DECR1: variants seen among roughly 807,000 people sequenced by gnomAD.
The protein encoded by DECR1 is 2,4-dienoyl-CoA reductase [(3E)-enoyl-CoA-producing], mitochondrial.
In DECR1, 44 loss-of-function variants were observed where a neutral mutation model predicts 38.8. That is an observed-to-expected ratio of 1.13 (90% CI 0.89 to 1.46). DECR1 has a LOEUF of 1.46. Ranked by LOEUF, DECR1 falls within the 40% of genes most tolerant of loss-of-function variation. The probability of loss-of-function intolerance (pLI) is 0.00; values close to 1 mark genes in which losing one functional copy is unlikely to be tolerated. For synonymous variants in DECR1, 148 were observed against 135.2 expected, an observed-to-expected ratio of 1.09 and a Z score of -0.66; for missense variants, 428 against 405.5, an observed-to-expected ratio of 1.06 and a Z score of -0.48.
intron 8 of DECR1, 65 bp from the exon 9 acceptor site, chr8:90,051,612 G>A (rs1814095393): frequency 7.8e-7 from 1 of 1,287,192 alleles, no homozygotes; most frequent in African/African-American, 1.5e-5. Context: ...ATGGGAAAAT[G>A]GCTAGTGGTT....
At chr8:90,009,849 G>T (rs1320927040) in intron 1 of DECR1, among the ~76,000 whole-genome samples, 4 of 152,114 alleles carry the variant, frequency 2.6e-5, no homozygotes, top group Admixed American at 2.0e-4. Context: ...TTATTTTGTT[G>T]TATTGGAGAA....
At position 90,044,969 on chromosome 8, in the gene DECR1, G is replaced by A. The variant is rs1440636474; in HGVS notation, c.859G>A (p.Asp287Asn). The change falls in exon 8 of 10, where the codon GAT (aspartate) becomes AAT (asparagine). Residue 287 changes from aspartate to asparagine, a missense_variant. Asp to Asn is a conservative substitution (Grantham distance 23, BLOSUM62 1). Transcript: ENST00000220764. ...LANLAAFLCS[D>N]YASWINGAVI... is the part of the protein sequence containing the mutation. Reference sequence around the variant, plus strand: ...AAATCTTGCTGCTTTCCTTTGTAGTGATTATGCTTCTTGGATTAATGGAGC... The same window carrying A: ...AAATCTTGCTGCTTTCCTTTGTAGTAATTATGCTTCTTGGATTAATGGAGC... 6 of 1,613,534 alleles carry A rather than the reference G, an allele frequency of 3.7e-6. No homozygotes were observed. In the Admixed American group the frequency reaches 1.0e-4, roughly 27 times the overall value.
Position 90,037,066 on chromosome 8 carries a change from G to T in DECR1, c.665+126G>T. 6.2e-6 allele frequency: 4 copies of T among 649,574 alleles called. No individual in the cohort carries two copies. In the South Asian group the frequency reaches 7.6e-5, roughly 12 times the overall value. The allele number at this position is 649,574 out of a possible 1,614,324, so 40.2% of individuals were successfully genotyped here. A position where few individuals can be genotyped will look rare whatever the true frequency, so the allele number is the denominator to read the frequency against. Reference sequence around the variant, plus strand: ...AAACAAAGACTTGGATTCACCATGAGACATACATTTTATCTCCCAGATAAG... The same window carrying T: ...AAACAAAGACTTGGATTCACCATGATACATACATTTTATCTCCCAGATAAG... On this transcript the variant is annotated intron_variant, in intron 6 of 9. Transcript: ENST00000220764.
intron 5 of DECR1, among the ~76,000 whole-genome samples, chr8:90,024,126 A>G (rs1341694043): frequency 1.3e-5 from 2 of 152,214 alleles, no homozygotes; most frequent in South Asian, 2.1e-4. Flanking sequence ...ATTGATGGAC[A>G]TTTGGGTTGG....
chr8:90,047,473 A>G (rs2130172358), intron 8 of DECR1, among the ~76,000 whole-genome samples: 1 of 152,372 alleles, frequency 6.6e-6, no homozygotes, highest in East Asian at 1.9e-4. Flanking sequence ...CAATTCAACA[A>G]GAAGAGCTAA....
intron 6 of DECR1, among the ~76,000 whole-genome samples, chr8:90,039,681 C>A (rs561588497): frequency 6.6e-6 from 1 of 152,318 alleles, no homozygotes; most frequent in South Asian, 2.1e-4. Context: ...CAGAATGTTA[C>A]CTTTTCAGAG....
chr8:90,010,189 G>C (rs1007277727), intron 1 of DECR1, among the ~76,000 whole-genome samples: 2 of 151,736 alleles, frequency 1.3e-5, no homozygotes, highest in African/African-American at 4.8e-5. Context: ...GGAGCAGGCA[G>C]ATGTGCTTAA....
chr8:90,030,265 A>T (rs1372366799), intron 5 of DECR1, among the ~76,000 whole-genome samples: 1 of 152,166 alleles, frequency 6.6e-6, no homozygotes, highest in African/African-American at 2.4e-5. Context: ...CTAACTGGCC[A>T]TAGACTGGTA....
rs531229780 is a variant in DECR1, at chr8:90,029,615, A to G, written c.566-7226A>G. On this transcript the variant is annotated intron_variant, in intron 5 of 9. Coordinates refer to ENST00000220764, the MANE Select transcript of DECR1 (RefSeq NM_001359.2). ...GGAAGCATTGAACTAAGTAAAGTAC[A>G]TTATACTGTTTTTACAGTTTAATTA... Among the ~76,000 whole-genome samples, 3 of 152,348 alleles carry G rather than the reference A, an allele frequency of 2.0e-5. No homozygotes were observed. In the South Asian group the frequency reaches 6.2e-4, roughly 32 times the overall value.
intron 5 of DECR1, among the ~76,000 whole-genome samples, chr8:90,025,801 GT>G (rs922070632): frequency 6.6e-6 from 1 of 152,142 alleles, no homozygotes; most frequent in Non-Finnish European, 1.5e-5. Flanking sequence ...TCTTGTGCCA[GT>G]TTTCACAGAG....
rs778132448 is a variant in DECR1 at position 90,051,705 on chromosome 8, T to C, written c.914T>C (p.Val305Ala). 2 of 1,612,720 alleles carry C rather than the reference T, an allele frequency of 1.2e-6. No homozygotes were observed. The highest frequency in any genetic ancestry group is 1.7e-6 in the Non-Finnish European group (2 of 1,179,846). The stretch of plus-strand genomic sequence containing the variant: ...ATTAAATTTGACGGTGGAGAGGAAG[T>C]ACTTATTTCAGGGGAATTCAACGAC... The part of the protein sequence containing the change: ...AVIKFDGGEE[V>A]LISGEFNDLR... The change falls in exon 9 of 10, where the codon GTA becomes GCA. Residue 305 changes from valine (V) to alanine (A), a missense_variant. Val to Ala is a moderately conservative substitution (Grantham distance 64). Coordinates refer to ENST00000220764, the MANE Select transcript of DECR1 (RefSeq NM_001359.2).
intron 6 of DECR1, among the ~76,000 whole-genome samples, chr8:90,042,001 TTAGATTTTAAAAGAGCTACCTGTAAAG>T (rs2130147235): frequency 6.6e-6 from 1 of 152,258 alleles, no homozygotes; most frequent in African/African-American, 2.4e-5. Context: ...TAAAATGAAT[TTAGATTTTAAAAGAGCTACCTGTAAAG>T]TAAGCTTTTA....
Position 90,017,326 on chromosome 8 carries a change from G to T in DECR1, c.272G>T (p.Arg91Leu), listed in dbSNP as rs745489638. Residue 91 changes from arginine (R) to leucine (L), a missense_variant and splice_region_variant, in exon 2 of 10, where the codon CGG becomes CTG. By Grantham distance (102) the Arg-to-Leu change is moderately radical. Coordinates refer to ENST00000220764, the MANE Select transcript of DECR1 (RefSeq NM_001359.2). Reference sequence around the variant, plus strand: ...GGTGCTCAGTGCGTGATAGCCAGCCGGTAAGTCCCTTACATCAAGCCTATT... The same window carrying T: ...GGTGCTCAGTGCGTGATAGCCAGCCTGTAAGTCCCTTACATCAAGCCTATT... Reference protein sequence around the residue: ...SLGAQCVIASRKMDVLKATAE... With the variant: ...SLGAQCVIASLKMDVLKATAE... 1 of 1,612,952 alleles carries T rather than the reference G, an allele frequency of 6.2e-7. No individual in the cohort carries two copies. Among genetic ancestry groups the T allele is most frequent in the Non-Finnish European group, 8.5e-7 (1 of 1,179,484 alleles).
chr8:90,029,630 C>T (rs1384273518), intron 5 of DECR1, among the ~76,000 whole-genome samples: 1 of 152,172 alleles, frequency 6.6e-6, no homozygotes, highest in Non-Finnish European at 1.5e-5. Flanking sequence ...ACTGTTTTTA[C>T]AGTTTAATTA....
At chr8:90,020,396 C>T (rs1486231772) in intron 4 of DECR1, among the ~76,000 whole-genome samples, 1 of 151,828 alleles carries the variant, frequency 6.6e-6, no homozygotes, top group African/African-American at 2.4e-5. Flanking sequence ...AAATTTTATT[C>T]ATTTATTTTG....
chr8:90,021,321 T>C (rs1401626148), intron 5 of DECR1, among the ~76,000 whole-genome samples: 1 of 152,220 alleles, frequency 6.6e-6, no homozygotes, highest in African/African-American at 2.4e-5. Context: ...AAGATGCAAC[T>C]TAAGCTGAAA....
chr8:90,006,412 A>G (rs1812741367), intron 1 of DECR1: 2 of 670,270 alleles, frequency 3.0e-6, no homozygotes, highest in Admixed American at 2.1e-5. Context: ...AAGGCCCAGC[A>G]TAAAGGTTAT....
intron 8 of DECR1, among the ~76,000 whole-genome samples, chr8:90,047,865 T>C (rs1338159341): frequency 1.3e-5 from 2 of 152,148 alleles, no homozygotes; most frequent in South Asian, 2.1e-4. Flanking sequence ...AAACGACAAC[T>C]CAGGTTTAAG....
Position 90,051,829 on chromosome 8 carries a change from T to C in DECR1, c.949-9T>C, listed in dbSNP as rs1271036890. On this transcript the variant is annotated splice_polypyrimidine_tract_variant and intron_variant, in intron 9 of 9. Coordinates refer to ENST00000220764, the MANE Select transcript of DECR1 (RefSeq NM_001359.2). ...AAAGGACATTAAATTGACATCTTTT[T>C]TGTGTTAGGTCACCAAGGAGCAGTG... The C allele has an allele frequency of 6.2e-7, 1 of 1,613,828 alleles. No homozygotes were observed. Among genetic ancestry groups the C allele is most frequent in the Admixed American group, 1.7e-5 (1 of 60,002 alleles).
Sources: allele counts gnomAD v4.1 joint callset (sites outside exome capture counted in the v4.1 genomes callset), GRCh38; gene constraint gnomAD v4.1.1; transcripts MANE v1.5; gene names NCBI Gene and HGNC (gene_info 2026-07-23, HGNC 2026-07-21).